Variants in NADSYN1 observed in about 807,000 individuals in gnomAD.
NADSYN1 encodes glutamine-dependent NAD(+) synthetase.
In NADSYN1, 80 loss-of-function variants were observed where a neutral mutation model predicts 99.3. The observed-to-expected ratio is 0.81, with a 90% confidence interval of 0.67 to 0.97. The LOEUF (loss-of-function observed/expected upper bound fraction) is 0.97. Ranked by LOEUF, NADSYN1 falls within the 50% of genes least tolerant of loss-of-function variation. NADSYN1 has a pLI of 0.00. For missense variants in NADSYN1, 859 were observed against 948.5 expected (o/e 0.91, Z 1.24); for synonymous variants, 385 against 372.1 (o/e 1.03, Z -0.40).
At chr11:71,474,253 A>C in intron 8 of NADSYN1, 142 bp from the exon 9 acceptor site, 1 of 1,087,248 alleles carries the variant, frequency 9.2e-7, no homozygotes, top group Middle Eastern at 3.0e-4. Context: ...GTGCTTCCCC[A>C]CACATATGCG....
chr11:71,465,266 A>G (rs1949580045), intron 5 of NADSYN1, among the ~76,000 whole-genome samples: 1 of 152,096 alleles, frequency 6.6e-6, no homozygotes, highest in African/African-American at 2.4e-5. Context: ...ACAACTGTTC[A>G]TTGTTCTCCA....
Position 71,453,348 on chromosome 11 carries a change from G to A in NADSYN1, c.52G>A (p.Asp18Asn), listed in dbSNP as rs753260526. The stretch of plus-strand genomic sequence containing the variant: ...CTGCGCACTCAACCAGTGGGCCCTG[G>A]ACTTCGAGGGCAATTTGCAAAGAAT... Reference protein sequence around the residue: ...ATCALNQWALDFEGNLQRILK... With the variant: ...ATCALNQWALNFEGNLQRILK... The change falls in exon 1 of 21, where the codon GAC (aspartate) becomes AAC (asparagine). Residue 18 changes from aspartate (D) to asparagine (N), a missense_variant. Physicochemically the swap from Asp to Asn is conservative, Grantham distance 23 (BLOSUM62 1). Coordinates refer to ENST00000319023, the MANE Select transcript of NADSYN1 (RefSeq NM_018161.5). 6 of 1,613,922 alleles carry A rather than the reference G, an allele frequency of 3.7e-6. No individual in the cohort carries two copies. In the South Asian group the frequency reaches 5.5e-5, roughly 15 times the overall value.
At chr11:71,464,165 C>T in intron 5 of NADSYN1, 23 bp downstream of exon 5, 3 of 1,577,690 alleles carry the variant, frequency 1.9e-6, no homozygotes, top group Non-Finnish European at 2.6e-6. Flanking sequence ...CCTGACCACT[C>T]CTGGGATGTG....
intron 18 of NADSYN1, 138 bp from the exon 19 acceptor site, chr11:71,497,345 G>A: frequency 1.9e-6 from 2 of 1,071,302 alleles, no homozygotes; most frequent in Non-Finnish European, 2.7e-6. Context: ...GCAATGGGGA[G>A]TAAAGCCCAC....
intron 3 of NADSYN1, chr11:71,460,336 CT>C (rs1265994332): frequency 3.3e-5 from 5 of 152,038 alleles, no homozygotes; most frequent in Non-Finnish European, 2.9e-5. Context: ...ATTAGGTTTT[CT>C]TTTTTTTGTT....
chr11:71,481,168 C>A, intron 11 of NADSYN1, 188 bp from the exon 12 acceptor site: 1 of 689,656 alleles, frequency 1.5e-6, no homozygotes, highest in East Asian at 2.5e-5. Context: ...TGATAATACC[C>A]ACGTCCTGGG....
chr11:71,477,010 G>C, intron 9 of NADSYN1: 1 of 1,053,528 alleles, frequency 9.5e-7, no homozygotes, highest in South Asian at 3.0e-5. Context: ...CCTCAGGCTC[G>C]GGCCACTGCC....
intron 5 of NADSYN1, among the ~76,000 whole-genome samples, chr11:71,470,946 G>A (rs192322380): frequency 1.3e-5 from 2 of 152,178 alleles, no homozygotes; most frequent in East Asian, 3.9e-4. Context: ...TCTCTGCAGT[G>A]CTCTTCACAG....
chr11:71,486,313 A>G (rs1949742779), intron 16 of NADSYN1, among the ~76,000 whole-genome samples: 1 of 152,174 alleles, frequency 6.6e-6, no homozygotes, highest in Non-Finnish European at 1.5e-5. Context: ...TGGGCCATCC[A>G]TCTATCCACC....
chr11:71,483,120 C>A lies in NADSYN1; in HGVS notation c.1319+103C>A. 3.6e-6 allele frequency: 5 copies of A among 1,380,906 alleles called. No individual in the cohort carries two copies. In the South Asian group the frequency reaches 5.2e-5, roughly 14 times the overall value. The allele number at this position is 1,380,906 out of a possible 1,614,324, so 85.5% of individuals were successfully genotyped here. ...CATTGGTGACTGGCTTCATTCATTCCGCATCGTGTCATCCACTATGTGGAT... is the reference window on the plus strand; with the variant it reads ...CATTGGTGACTGGCTTCATTCATTCAGCATCGTGTCATCCACTATGTGGAT... On this transcript the variant is annotated intron_variant, in intron 14 of 20. Transcript: ENST00000319023.
chr11:71,494,131 G>A (rs1949803477), intron 18 of NADSYN1, among the ~76,000 whole-genome samples: 1 of 152,202 alleles, frequency 6.6e-6, no homozygotes. Context: ...CAGTAGCACA[G>A]TAGCATCCCA....
At chr11:71,455,257 G>A in intron 2 of NADSYN1, 87 bp downstream of exon 2, 1 of 1,204,610 alleles carries the variant, frequency 8.3e-7, no homozygotes, top group Non-Finnish European at 1.2e-6. Flanking sequence ...GAAGGAGCAG[G>A]GACAGTCCTG....
intron 3 of NADSYN1, chr11:71,458,901 G>A (rs1387545943): frequency 4.4e-5 from 11 of 247,334 alleles, no homozygotes; most frequent in Admixed American, 2.0e-4. Context: ...GTTGCCACAC[G>A]GTTCCCATGT....
intron 5 of NADSYN1, among the ~76,000 whole-genome samples, chr11:71,464,867 CAAAAAAAAAAA>C (rs926724365): frequency 4.9e-4 from 20 of 40,516 alleles, no homozygotes; most frequent in African/African-American, 1.3e-3. Flanking sequence ...GACTCTGTCT[CAAAAAAAAAAA>C]AAAAAAAAAA....
chr11:71,477,973 G>T (rs972378724), intron 9 of NADSYN1, among the ~76,000 whole-genome samples: 5 of 152,230 alleles, frequency 3.3e-5, no homozygotes, highest in African/African-American at 1.2e-4. Context: ...TTGATGAGAG[G>T]GGTGTTCCCA....
intron 9 of NADSYN1, among the ~76,000 whole-genome samples, chr11:71,475,806 A>G (rs1949661713): frequency 7.2e-5 from 11 of 152,048 alleles, no homozygotes; most frequent in African/African-American, 2.4e-5. Flanking sequence ...CCTCCGCCCC[A>G]TGTTAAAGCA....
intron 3 of NADSYN1, among the ~76,000 whole-genome samples, chr11:71,461,510 C>T (rs1031439323): frequency 2.0e-5 from 3 of 152,152 alleles, no homozygotes; most frequent in Admixed American, 2.0e-4. Flanking sequence ...CTCACTGCAA[C>T]CTCTGCCACC....
At chr11:71,481,176 G>A (rs1222230615) in intron 11 of NADSYN1, 180 bp from the exon 12 acceptor site, 3 of 708,368 alleles carry the variant, frequency 4.2e-6, no homozygotes, top group Non-Finnish European at 7.3e-6. Context: ...CCCACGTCCT[G>A]GGTCTGTCTT....
intron 10 of NADSYN1, 140 bp downstream of exon 10, chr11:71,478,609 G>A: frequency 1.3e-6 from 1 of 741,908 alleles, no homozygotes; most frequent in Non-Finnish European, 2.3e-6. Flanking sequence ...CCCGAGCGTG[G>A]AAAGGGGCTG....
Sources: allele counts gnomAD v4.1 joint callset (sites outside exome capture counted in the v4.1 genomes callset), GRCh38; gene constraint gnomAD v4.1.1; transcripts MANE v1.5; gene names NCBI Gene and HGNC (gene_info 2026-07-23, HGNC 2026-07-21).